PRR14: variants seen among roughly 807,000 people sequenced by gnomAD.
PRR14 encodes the protein proline-rich protein 14.
PRR14 carries 33 observed loss-of-function variants against 57.2 expected under a neutral mutation model. The ratio of observed to expected loss-of-function variants is 0.58; its 90% CI spans 0.44 to 0.77. The LOEUF (loss-of-function observed/expected upper bound fraction) is 0.77, where lower values mean the gene tolerates loss of function less well. Ranked by LOEUF, PRR14 falls within the 30% of genes least tolerant of loss-of-function variation. The pLI, the probability that PRR14 is intolerant of heterozygous loss-of-function variation, is 0.00. For missense variants in PRR14, 716 were observed against 788.1 expected, an observed-to-expected ratio of 0.91 and a Z score of 1.10; for synonymous variants, 303 against 314.7, an observed-to-expected ratio of 0.96 and a Z score of 0.39.
chr16:30,654,262 C>T lies in PRR14; in HGVS notation c.581C>T (p.Thr194Met), dbSNP rs1567538996. The change falls in exon 7 of 12, where the codon ACG (threonine) becomes ATG (methionine). Residue 194 changes from threonine to methionine, a missense_variant. Thr to Met is a moderately conservative substitution (Grantham distance 81, BLOSUM62 -1). Transcript: ENST00000300835. The stretch of plus-strand genomic sequence containing the variant: ...CCCATGAGGATAGTTCGCCAGCCAA[C>T]GCCTCCACCTGGGGACCTAGAACCC... ...AEPMRIVRQP[T>M]PPPGDLEPPF... is the part of the protein sequence containing the mutation. The T allele has an allele frequency of 2.5e-6, 4 of 1,614,132 alleles. No individual in the cohort carries two copies. The highest frequency in any genetic ancestry group is 3.4e-6 in the Non-Finnish European group (4 of 1,179,996).
At position 30,652,716 on chromosome 16, in the gene PRR14, T is replaced by C; in HGVS notation, c.193-5T>C. The C allele has an allele frequency of 6.2e-7, 1 of 1,614,122 alleles. No homozygotes were observed. The highest frequency in any genetic ancestry group is 8.5e-7 in the Non-Finnish European group (1 of 1,180,014). On this transcript the variant is annotated splice_region_variant and splice_polypyrimidine_tract_variant and intron_variant, in intron 3 of 11. Coordinates refer to ENST00000300835, the MANE Select transcript of PRR14 (RefSeq NM_024031.5). Reference sequence around the variant, plus strand: ...CCTTGCTCTTGACACCTCTTTCTCTTCCAGGTCCCCGTGGTGCCCTCAAAG... The same window carrying C: ...CCTTGCTCTTGACACCTCTTTCTCTCCCAGGTCCCCGTGGTGCCCTCAAAG...
rs544114116 is a variant in PRR14, at chr16:30,654,922, A to C, written c.952A>C (p.Asn318His). The C allele has an allele frequency of 6.2e-7, 1 of 1,613,060 alleles. No individual in the cohort carries two copies. The highest frequency in any genetic ancestry group is 1.3e-5 in the African/African-American group (1 of 74,890). Residue 318 changes from asparagine (N) to histidine (H), a missense_variant, in exon 8 of 12, where the codon AAT becomes CAT. Asn to His is a moderately conservative substitution (Grantham distance 68, BLOSUM62 1). Coordinates refer to ENST00000300835, the MANE Select transcript of PRR14 (RefSeq NM_024031.5). ...CCGCCAGTGGCGAACTCAGGACCAC[A>C]ATACCCCAGCACTTCTCCCTAAGCC... Reference protein sequence around the residue: ...PIRQWRTQDHNTPALLPKPSL... With the variant: ...PIRQWRTQDHHTPALLPKPSL...
chr16:30,655,869 T>C lies in PRR14; in HGVS notation c.1408T>C (p.Leu470=). 1 of 1,614,104 alleles carries C rather than the reference T, an allele frequency of 6.2e-7. No homozygotes were observed. Among genetic ancestry groups the C allele is most frequent in the Non-Finnish European group, 8.5e-7 (1 of 1,179,992 alleles). Reference sequence around the variant, plus strand: ...GTGGCCTCTGCTCTTTGCTCACAGGTTGAACAAGAAGGAGTTCAGCTTGGA... The same window carrying C: ...GTGGCCTCTGCTCTTTGCTCACAGGCTGAACAAGAAGGAGTTCAGCTTGGA... The part of the protein sequence containing the change: ...TPMGLPRPIR[L]NKKEFSLEEI... Residue 470 remains leucine, a splice_region_variant and synonymous_variant, in exon 11 of 12, where the codon TTG becomes CTG. Transcript: ENST00000300835. The surrounding 1 kb of genome is among the most constrained non-coding windows in gnomAD (Gnocchi z 4.6).
Position 30,651,996 on chromosome 16 carries a change from C to G in PRR14, c.192+32C>G, listed in dbSNP as rs777064359. 7.9e-6 allele frequency: 12 copies of G among 1,516,408 alleles called. No individual in the cohort carries two copies. The highest frequency in any genetic ancestry group is 1.1e-5 in the Non-Finnish European group (12 of 1,134,430). 93.9% of individuals were successfully genotyped at this position (1,516,408 alleles called of 1,614,324 possible). The stretch of plus-strand genomic sequence containing the variant: ...CCCCTGAACCAAGAGACTCTCTATT[C>G]CCCCATGACTTTCCTCACTACCAAA... On this transcript the variant is annotated intron_variant, in intron 3 of 11. Transcript: ENST00000300835. This position sits in a 1 kb window ranked among gnomAD's most constrained non-coding sequence, Gnocchi z 5.0.
chr16:30,652,394 C>A (rs1327823148), intron 3 of PRR14: 6 of 571,140 alleles, frequency 1.1e-5, no homozygotes, highest in African/African-American at 3.7e-5. Flanking sequence ...GCCCAGCCTC[C>A]TTAGGAAGCA....
At chr16:30,653,152 A>C in intron 5 of PRR14, 49 bp downstream of exon 5, 1 of 1,530,060 alleles carries the variant, frequency 6.5e-7, no homozygotes. Flanking sequence ...GGGTTCCAGC[A>C]GGGATAGAAG....
At position 30,654,217 on chromosome 16, in the gene PRR14, C is replaced by A. The variant is rs1356984965; in HGVS notation, c.549-13C>A. 6.2e-7 allele frequency: 1 copy of A among 1,604,608 alleles called. No homozygotes were observed. Among genetic ancestry groups the A allele is most frequent in the Middle Eastern group, 1.7e-4 (1 of 6,034 alleles). ...GGAAGTTCCCCTAGCCTTTACCTTG[C>A]CCTTCACCCCAGAGCTGAGCCCATG... On this transcript the variant is annotated splice_polypyrimidine_tract_variant and intron_variant, in intron 6 of 11. Coordinates refer to ENST00000300835, the MANE Select transcript of PRR14 (RefSeq NM_024031.5).
chr16:30,654,481 T>C, intron 7 of PRR14, 142 bp downstream of exon 7: 1 of 948,136 alleles, frequency 1.1e-6, no homozygotes, highest in Non-Finnish European at 1.6e-6. Context: ...GGGATGTTGA[T>C]GTCAGAGGCT....
chr16:30,651,147 G>A lies in PRR14; in HGVS notation c.-51+20G>A. ...CGCGCTGTAGGATTCTTTCCTCAGG[G>A]ATCCAGTCTAGGGGATCTGGTGGGA... On this transcript the variant is annotated intron_variant, in intron 1 of 11. Transcript: ENST00000300835. This position sits in a 1 kb window ranked among gnomAD's most constrained non-coding sequence, Gnocchi z 5.0. 1 of 438,652 alleles carries A rather than the reference G, an allele frequency of 2.3e-6. No homozygotes were observed. The highest frequency in any genetic ancestry group is 4.7e-6 in the Non-Finnish European group (1 of 213,524). 27.2% of individuals were successfully genotyped at this position (438,652 alleles called of 1,614,324 possible). A position where few individuals can be genotyped will look rare whatever the true frequency, so the allele number is the denominator to read the frequency against.
Position 30,653,099 on chromosome 16 carries a change from C to T in PRR14, c.500C>T (p.Ala167Val), listed in dbSNP as rs1222292499. 1 of 1,602,658 alleles carries T rather than the reference C, an allele frequency of 6.2e-7. No homozygotes were observed. Among genetic ancestry groups the T allele is most frequent in the South Asian group, 1.1e-5 (1 of 89,974 alleles). The change falls in exon 5 of 12, where the codon GCT (alanine) becomes GTT (valine). Residue 167 changes from alanine to valine, a missense_variant. Coordinates refer to ENST00000300835, the MANE Select transcript of PRR14 (RefSeq NM_024031.5). ...GACATCGCCAGTCCTAGACCCCCCG[C>T]TGAGGTATGGGAACTGAGGGTACGG... ...LEDIASPRPP[A>V]EGFIDETPNF...
At position 30,651,037 on chromosome 16, in the gene PRR14, G is replaced by A. The variant is rs542860580; in HGVS notation, c.-141G>A. On this transcript the variant is annotated 5_prime_UTR_variant, in exon 1 of 12. Coordinates refer to ENST00000300835, the MANE Select transcript of PRR14 (RefSeq NM_024031.5). The surrounding 1 kb of genome is among the most constrained non-coding windows in gnomAD (Gnocchi z 5.0). Reference sequence around the variant, plus strand: ...GCTGAGTTCGGAGATGCTCCAGCTCGGGCCGCCCCTGTCTGAGCGGAGCTT... The same window carrying A: ...GCTGAGTTCGGAGATGCTCCAGCTCAGGCCGCCCCTGTCTGAGCGGAGCTT... The A allele has an allele frequency of 2.2e-6, 1 of 456,502 alleles. No individual in the cohort carries two copies. The highest frequency in any genetic ancestry group is 4.4e-6 in the Non-Finnish European group (1 of 226,790). 28.3% of individuals were successfully genotyped at this position (456,502 alleles called of 1,614,324 possible).
rs1486014095 is a variant in PRR14, at chr16:30,651,519, G to C, written c.-50-77G>C. 26 of 645,996 alleles carry C rather than the reference G, an allele frequency of 4.0e-5. No individual in the cohort carries two copies. Among genetic ancestry groups the C allele is most frequent in the Non-Finnish European group, 5.9e-5 (24 of 407,506 alleles). The allele number at this position is 645,996 out of a possible 1,614,324, so 40.0% of individuals were successfully genotyped here. A position where few individuals can be genotyped will look rare whatever the true frequency, so the allele number is the denominator to read the frequency against. ...GGCCGCTGGGCTACGGGGAGCCGCG[G>C]GCGGACCATGAAGGGCGGAGCCCCA... On this transcript the variant is annotated intron_variant, in intron 1 of 11. Coordinates refer to ENST00000300835, the MANE Select transcript of PRR14 (RefSeq NM_024031.5). This position sits in a 1 kb window ranked among gnomAD's most constrained non-coding sequence, Gnocchi z 5.0.
intron 7 of PRR14, 69 bp downstream of exon 7, chr16:30,654,408 C>A: frequency 7.4e-7 from 1 of 1,358,446 alleles, no homozygotes; most frequent in Non-Finnish European, 1.1e-6. Flanking sequence ...TTGGAAGTGT[C>A]AGGTACAGAG....
At position 30,651,620 on chromosome 16, in the gene PRR14, AC is replaced by A. The variant is rs760606553; in HGVS notation, c.-19del. 3.6e-5 allele frequency: 46 copies of A among 1,291,214 alleles called. No individual in the cohort carries two copies. Among genetic ancestry groups the A allele is most frequent in the East Asian group, 3.5e-4 (7 of 19,774 alleles). 80.0% of individuals were successfully genotyped at this position (1,291,214 alleles called of 1,614,324 possible). Reference sequence around the variant, plus strand: ...GGCCGCAGCCTGGGATTCCCCAGGGACCCCCCCGGAGCCGCCGCGTCTCCCA... The same window carrying A: ...GGCCGCAGCCTGGGATTCCCCAGGGACCCCCCGGAGCCGCCGCGTCTCCCA... On this transcript the variant is annotated 5_prime_UTR_variant, in exon 2 of 12. Transcript: ENST00000300835. The surrounding 1 kb of genome is among the most constrained non-coding windows in gnomAD (Gnocchi z 5.0).
In PRR14 at chr16:30,655,832, C is replaced by G; in HGVS notation, c.1407-36C>G. The G allele has an allele frequency of 6.2e-7, 1 of 1,611,404 alleles. No individual in the cohort carries two copies. The highest frequency in any genetic ancestry group is 1.1e-5 in the South Asian group (1 of 91,024). Reference sequence around the variant, plus strand: ...CCTGTCCCTTCAGGCCCCACTGGCCCAAGGTTTCTCAGTGGCCTCTGCTCT... The same window carrying G: ...CCTGTCCCTTCAGGCCCCACTGGCCGAAGGTTTCTCAGTGGCCTCTGCTCT... On this transcript the variant is annotated intron_variant, in intron 10 of 11. Transcript: ENST00000300835. This position sits in a 1 kb window ranked among gnomAD's most constrained non-coding sequence, Gnocchi z 4.6.
In PRR14 at chr16:30,655,754, T is replaced by G; in HGVS notation, c.1407-114T>G. ...CTCAAAATTGCCTGTCTGCCTTATG[T>G]AGCACTCCTGGCCCTGACATGTCCC... On this transcript the variant is annotated intron_variant, in intron 10 of 11. Coordinates refer to ENST00000300835, the MANE Select transcript of PRR14 (RefSeq NM_024031.5). The surrounding 1 kb of genome is among the most constrained non-coding windows in gnomAD (Gnocchi z 4.6). The G allele has an allele frequency of 7.5e-7, 1 of 1,337,716 alleles. No homozygotes were observed. Among genetic ancestry groups the G allele is most frequent in the Non-Finnish European group, 1.1e-6 (1 of 930,270 alleles). 82.9% of individuals were successfully genotyped at this position (1,337,716 alleles called of 1,614,324 possible).
intron 5 of PRR14, 72 bp from the exon 6 acceptor site, chr16:30,653,293 T>A: frequency 6.5e-7 from 1 of 1,535,684 alleles, no homozygotes; most frequent in South Asian, 1.1e-5. Flanking sequence ...ATCCGGGAAC[T>A]GAAAGAGTCA....
chr16:30,655,653 T>G lies in PRR14; in HGVS notation c.1406+60T>G, dbSNP rs2052363426. ...CAAACAGATGCAGGCTTATGTCCCC[T>G]GAAGTATAGCTTTGTCTCCCCTCAG... On this transcript the variant is annotated intron_variant, in intron 10 of 11. Coordinates refer to ENST00000300835, the MANE Select transcript of PRR14 (RefSeq NM_024031.5). This position sits in a 1 kb window ranked among gnomAD's most constrained non-coding sequence, Gnocchi z 4.6. 4.0e-6 allele frequency: 6 copies of G among 1,494,702 alleles called. No homozygotes were observed. Among genetic ancestry groups the G allele is most frequent in the Middle Eastern group, 1.7e-4 (1 of 5,882 alleles). The allele number at this position is 1,494,702 out of a possible 1,614,324, so 92.6% of individuals were successfully genotyped here.
rs947153223 is a variant in PRR14, at chr16:30,654,426, TAGGGCTTAAGCCACCTCCCAGGGC to T, written c.658+95_658+118del. The T allele has an allele frequency of 1.8e-5, 22 of 1,218,560 alleles. No homozygotes were observed. The East Asian group carries it at 4.0e-4, about 22-fold the overall frequency. 75.5% of individuals were successfully genotyped at this position (1,218,560 alleles called of 1,614,324 possible). A position where few individuals can be genotyped will look rare whatever the true frequency, so the allele number is the denominator to read the frequency against. ...GAAGTGTCAGGTACAGAGTTGGGGATAGGGCTTAAGCCACCTCCCAGGGCAGGGCTTGGTATATAAAGATGGGAT... is the reference window on the plus strand; with the variant it reads ...GAAGTGTCAGGTACAGAGTTGGGGATAGGGCTTGGTATATAAAGATGGGAT... On this transcript the variant is annotated intron_variant, in intron 7 of 11. Coordinates refer to ENST00000300835, the MANE Select transcript of PRR14 (RefSeq NM_024031.5).
Sources: allele counts gnomAD v4.1 joint callset, GRCh38; gene constraint gnomAD v4.1.1; non-coding constraint Gnocchi (gnomAD v3.1); transcripts MANE v1.5; gene names NCBI Gene and HGNC (gene_info 2026-07-23, HGNC 2026-07-21).